Variants in ANKMY2 observed in about 807,000 individuals in gnomAD.
The protein encoded by ANKMY2 is ankyrin repeat and MYND domain containing 2.
In ANKMY2, 36 loss-of-function variants were observed where a neutral mutation model predicts 50.4. The ratio of observed to expected loss-of-function variants is 0.71; its 90% CI spans 0.55 to 0.94. The LOEUF is 0.94. Ranked by LOEUF, ANKMY2 falls within the 40% of genes least tolerant of loss-of-function variation. ANKMY2 has a pLI of 0.00. For synonymous variants in ANKMY2, 187 were observed against 178.8 expected (o/e 1.05, Z -0.36); for missense variants, 565 against 524.0 (o/e 1.08, Z -0.76).
chr7:16,624,917 G>C, intron 4 of ANKMY2, 66 bp downstream of exon 4: 1 of 1,357,878 alleles, frequency 7.4e-7, no homozygotes, highest in Non-Finnish European at 1.0e-6. Flanking sequence ...GAGAAGCAAA[G>C]TGGGTTTTTT....
intron 4 of ANKMY2, among the ~76,000 whole-genome samples, chr7:16,621,336 A>G (rs1305516276): frequency 6.6e-6 from 1 of 152,200 alleles, no homozygotes; most frequent in Admixed American, 6.5e-5. Context: ...GAAATGTAAA[A>G]GTGTACTGTG....
Position 16,615,794 on chromosome 7 carries a change from C to A in ANKMY2, c.481G>T (p.Ala161Ser), listed in dbSNP as rs1409323646. Residue 161 changes from alanine (A) to serine (S), a missense_variant, in exon 5 of 10, where the codon GCA (alanine) becomes TCA (serine). Ala to Ser is a moderately conservative substitution (Grantham distance 99). Transcript: ENST00000306999. Reference protein sequence around the residue: ...DKEPKLPPKLAGPLHKIITTT... With the variant: ...DKEPKLPPKLSGPLHKIITTT... ...GTGATAATTTTGTGCAGCGGGCCTG[C>A]CAACTTTGGGGGCAGTTTTGGCTCT... 1 of 1,614,194 alleles carries A rather than the reference C, an allele frequency of 6.2e-7. No homozygotes were observed. The highest frequency in any genetic ancestry group is 1.1e-5 in the South Asian group (1 of 91,088).
intron 4 of ANKMY2, 78 bp from the exon 5 acceptor site, chr7:16,615,982 C>CCTTTTCATAGAAAAATAGCAACATAAT: frequency 7.2e-7 from 1 of 1,393,576 alleles, no homozygotes; most frequent in Non-Finnish European, 9.7e-7. Flanking sequence ...AATTATGTTG[C>CCTTTTCATAGAAAAATAGCAACATAAT]TATTTTTGTG....
intron 2 of ANKMY2, among the ~76,000 whole-genome samples, chr7:16,630,947 A>T (rs979278712): frequency 6.6e-6 from 1 of 152,218 alleles, no homozygotes; most frequent in African/African-American, 2.4e-5. Flanking sequence ...ATCATCACAG[A>T]GGCCAAGTCT....
rs1781744249 is a variant in ANKMY2 at position 16,641,456 on chromosome 7, G to C, written c.67+4051C>G. 2.0e-5 allele frequency among the ~76,000 whole-genome samples: 3 copies of C among 152,180 alleles called. No individual in the cohort carries two copies. The South Asian group carries it at 6.2e-4, about 32-fold the overall frequency. On this transcript the variant is annotated intron_variant, in intron 1 of 9. Coordinates refer to ENST00000306999, the MANE Select transcript of ANKMY2 (RefSeq NM_020319.3). ...AAATGAAGACAATGAAGCCCATATA[G>C]GTTGCATAACCTGTCCAGCCATCCA...
chr7:16,628,605 C>A (rs2128345120), intron 2 of ANKMY2, among the ~76,000 whole-genome samples: 1 of 152,056 alleles, frequency 6.6e-6, no homozygotes, highest in East Asian at 1.9e-4. Context: ...TAAGGCAATA[C>A]CATATCGCGA....
At chr7:16,604,637 C>A (rs117794925) in intron 8 of ANKMY2, 84 bp downstream of exon 8, 53,481 of 1,501,298 alleles carry the variant, frequency 0.036, 1,207 homozygotes, top group Non-Finnish European at 0.043. Context: ...CTAATGTCCA[C>A]TCTTACAGAA....
rs771224788 is a variant in ANKMY2 at position 16,604,865 on chromosome 7, A to G, written c.883-16T>C. The stretch of plus-strand genomic sequence containing the variant: ...GATCAGAACCCTAGAGTGGGCATGA[A>G]GAGGAGAAAAAACAAATTCTGAAAT... On this transcript the variant is annotated splice_polypyrimidine_tract_variant and intron_variant, in intron 7 of 9. Coordinates refer to ENST00000306999, the MANE Select transcript of ANKMY2 (RefSeq NM_020319.3). The G allele has an allele frequency of 1.3e-6, 2 of 1,595,004 alleles. No individual in the cohort carries two copies. The highest frequency in any genetic ancestry group is 2.7e-5 in the African/African-American group (2 of 73,928).
intron 2 of ANKMY2, among the ~76,000 whole-genome samples, chr7:16,633,663 G>A (rs540899326): frequency 7.2e-5 from 11 of 152,098 alleles, no homozygotes; most frequent in Non-Finnish European, 8.8e-5. Context: ...TACAATTTCC[G>A]TTATAAAATA....
At chr7:16,608,035 T>C (rs1056699567) in intron 7 of ANKMY2, among the ~76,000 whole-genome samples, 3 of 152,132 alleles carry the variant, frequency 2.0e-5, no homozygotes, top group African/African-American at 7.2e-5. Context: ...GAACATCAAA[T>C]GCCTCGTAAC....
Position 16,627,981 on chromosome 7 carries a change from G to A in ANKMY2, c.133-803C>T, listed in dbSNP as rs536738021. 3.3e-5 allele frequency among the ~76,000 whole-genome samples: 5 copies of A among 152,296 alleles called. No homozygotes were observed. In the East Asian group the frequency reaches 9.7e-4, roughly 29 times the overall value. ...ACATATGATTTGATTATATGTGATT[G>A]TATATATATGGAAAAATGGTTGGTA... On this transcript the variant is annotated intron_variant, in intron 2 of 9. Transcript: ENST00000306999.
At chr7:16,610,367 G>A (rs1163097617) in intron 6 of ANKMY2, among the ~76,000 whole-genome samples, 182 bp downstream of exon 6, 2 of 152,130 alleles carry the variant, frequency 1.3e-5, no homozygotes, top group Non-Finnish European at 1.5e-5. Context: ...AAAGGATACA[G>A]AACTGAATAA....
intron 3 of ANKMY2, among the ~76,000 whole-genome samples, chr7:16,625,829 G>A (rs1781499240): frequency 6.6e-6 from 1 of 152,008 alleles, no homozygotes; most frequent in South Asian, 2.1e-4. Context: ...AGTATAATAA[G>A]CTAAAAAATA....
intron 4 of ANKMY2, among the ~76,000 whole-genome samples, chr7:16,617,424 G>A (rs62443198): frequency 2.6e-5 from 4 of 152,022 alleles, no homozygotes; most frequent in African/African-American, 9.7e-5. Context: ...AACAAGGTAC[G>A]TATGGGGATC....
intron 7 of ANKMY2, among the ~76,000 whole-genome samples, chr7:16,606,640 T>G (rs1781166074): frequency 1.3e-5 from 2 of 152,208 alleles, no homozygotes; most frequent in Non-Finnish European, 2.9e-5. Flanking sequence ...TTGCTTTTTC[T>G]TCCTAAGAAT....
intron 8 of ANKMY2, among the ~76,000 whole-genome samples, chr7:16,603,231 A>G (rs1346978158): frequency 6.6e-6 from 1 of 152,002 alleles, no homozygotes; most frequent in African/African-American, 2.4e-5. Context: ...TCCCAAAGGT[A>G]GCTAGCATCA....
At chr7:16,613,951 C>G (rs940862475) in intron 5 of ANKMY2, among the ~76,000 whole-genome samples, 1 of 151,674 alleles carries the variant, frequency 6.6e-6, no homozygotes, top group East Asian at 1.9e-4. Context: ...TTCCACAAAC[C>G]CTTACTGCAA....
intron 1 of ANKMY2, among the ~76,000 whole-genome samples, chr7:16,645,154 T>C (rs1781815084): frequency 6.6e-6 from 1 of 152,180 alleles, no homozygotes; most frequent in Non-Finnish European, 1.5e-5. Context: ...CTACCAGGAC[T>C]GACCGCGGTC....
At chr7:16,603,842 T>A (rs561370) in intron 8 of ANKMY2, among the ~76,000 whole-genome samples, 20,581 of 152,166 alleles carry the variant, frequency 0.14, 1,731 homozygotes, top group Admixed American at 0.29. Context: ...ACAAGAAGGA[T>A]GAGAGTCACA....
Sources: gnomAD v4.1 joint callset for allele counts (sites outside exome capture counted in the v4.1 genomes callset) on GRCh38, gnomAD v4.1.1 for gene constraint, MANE v1.5 for transcripts, NCBI Gene and HGNC (gene_info 2026-07-23, HGNC 2026-07-21) for gene names.